LRRIQ1: variants seen among roughly 807,000 people sequenced by gnomAD.
LRRIQ1 encodes leucine rich repeats and IQ motif containing 1, also known as leucine-rich repeat- and IQ domain-containing protein 1.
In LRRIQ1, 210 loss-of-function variants were observed where a neutral mutation model predicts 211.9. That is an observed-to-expected ratio of 0.99 (90% CI 0.89 to 1.11). The LOEUF is 1.11. Among genes scored for constraint, LRRIQ1 ranks in the 50% most tolerant of loss-of-function variants. The pLI is 0.00. For synonymous variants in LRRIQ1, 699 were observed against 650.1 expected (o/e 1.08, Z -1.14); for missense variants, 2,136 against 1,939.5 (o/e 1.10, Z -1.90).
intron 24 of LRRIQ1, among the ~76,000 whole-genome samples, chr12:85,164,708 G>C (rs1253514528): frequency 6.6e-6 from 1 of 152,140 alleles, no homozygotes; most frequent in Non-Finnish European, 1.5e-5. Flanking sequence ...GTAGTATTGA[G>C]AGATTGATAG....
chr12:85,157,412 A>G (rs1890614835), intron 23 of LRRIQ1, among the ~76,000 whole-genome samples: 1 of 151,932 alleles, frequency 6.6e-6, no homozygotes, highest in Admixed American at 6.6e-5. Context: ...CCTAGTGAGT[A>G]ATTGCTTTTA....
In LRRIQ1 at chr12:85,056,363, C is replaced by G; in HGVS notation, c.1570C>G (p.Gln524Glu). 3.1e-6 allele frequency: 5 copies of G among 1,591,100 alleles called. No homozygotes were observed. The highest frequency in any genetic ancestry group is 2.3e-5 in the East Asian group (1 of 44,418). ...NSDLKGNLKE[Q>E]FPLQELKSDA... ...TGATCTAAAAGGAAATCTGAAAGAA[C>G]AGTTTCCATTGCAAGAATTAAAGTC... Residue 524 changes from glutamine to glutamate, a missense_variant, in exon 8 of 27, where the codon CAG becomes GAG. By Grantham distance (29) the Gln-to-Glu change is conservative. Transcript: ENST00000393217.
chr12:85,201,812 C>A (rs1355200377), intron 24 of LRRIQ1, among the ~76,000 whole-genome samples: 1 of 151,724 alleles, frequency 6.6e-6, no homozygotes, highest in Non-Finnish European at 1.5e-5. Flanking sequence ...TTGGTCATTT[C>A]TTGTCTTCTG....
intron 24 of LRRIQ1, among the ~76,000 whole-genome samples, chr12:85,226,344 G>C (rs1005984205): frequency 1.5e-4 from 23 of 152,040 alleles, no homozygotes; most frequent in African/African-American, 5.6e-4. Flanking sequence ...TTGATCATCA[G>C]GGTCACTGAG....
chr12:85,106,456 C>T (rs1886788642), intron 14 of LRRIQ1, 66 bp from the exon 15 acceptor site: 1 of 1,132,506 alleles, frequency 8.8e-7, no homozygotes, highest in African/African-American at 1.6e-5. Flanking sequence ...ATACAGTGGT[C>T]ATAGATTTAT....
rs370257620 is a variant in LRRIQ1 at position 85,056,370 on chromosome 12, C to T, written c.1577C>T (p.Pro526Leu). 6.3e-6 allele frequency: 10 copies of T among 1,590,804 alleles called. No homozygotes were observed. Among genetic ancestry groups the T allele is most frequent in the African/African-American group, 1.4e-5 (1 of 73,222 alleles). Residue 526 changes from proline (P) to leucine (L), a missense_variant, in exon 8 of 27, where the codon CCA becomes CTA. Transcript: ENST00000393217. ...AAAGGAAATCTGAAAGAACAGTTTC[C>T]ATTGCAAGAATTAAAGTCTGATGCA... Reference protein sequence around the residue: ...DLKGNLKEQFPLQELKSDAQK... With the variant: ...DLKGNLKEQFLLQELKSDAQK...
chr12:85,160,921 T>C (rs1216855793), intron 24 of LRRIQ1, among the ~76,000 whole-genome samples: 2 of 152,166 alleles, frequency 1.3e-5, no homozygotes, highest in Admixed American at 6.5e-5. Flanking sequence ...ATTGAAAATT[T>C]GTATCAATGT....
chr12:85,270,538 A>G, the LRRIQ1 span, among the ~76,000 whole-genome samples: 1 of 152,104 alleles, frequency 6.6e-6, no homozygotes, highest in Non-Finnish European at 1.5e-5. Flanking sequence ...TCATAATTAT[A>G]TACTTCATAT....
At chr12:85,066,128 T>C (rs1446723731) in intron 9 of LRRIQ1, among the ~76,000 whole-genome samples, 3 of 151,904 alleles carry the variant, frequency 2.0e-5, no homozygotes, top group South Asian at 2.1e-4. Flanking sequence ...AAGGTAACAG[T>C]CTATTAAAAT....
chr12:85,064,182 C>G (rs1343113076), intron 8 of LRRIQ1, among the ~76,000 whole-genome samples: 1 of 151,796 alleles, frequency 6.6e-6, no homozygotes, highest in African/African-American at 2.4e-5. Flanking sequence ...CACATCCTCT[C>G]CAGCATTTGC....
chr12:85,102,491 T>G (rs1431340933), intron 13 of LRRIQ1, among the ~76,000 whole-genome samples: 2 of 151,856 alleles, frequency 1.3e-5, no homozygotes, highest in African/African-American at 4.8e-5. Context: ...TATTTAGGAT[T>G]GGCAACATGC....
chr12:85,074,390 A>G (rs1355539773), intron 11 of LRRIQ1, among the ~76,000 whole-genome samples: 1 of 151,992 alleles, frequency 6.6e-6, no homozygotes, highest in Non-Finnish European at 1.5e-5. Context: ...TGAAATAATC[A>G]TATCATGGAA....
intron 21 of LRRIQ1, 51 bp downstream of exon 21, chr12:85,153,196 T>A: frequency 6.9e-7 from 1 of 1,449,020 alleles, no homozygotes; most frequent in South Asian, 1.3e-5. Context: ...ACAACAGTAT[T>A]ACATATCATA....
chr12:85,155,626 A>C (rs1344204498), intron 23 of LRRIQ1, among the ~76,000 whole-genome samples: 1 of 151,724 alleles, frequency 6.6e-6, no homozygotes, highest in Admixed American at 6.6e-5. Flanking sequence ...GAACTGATTC[A>C]GCCAATATTC....
chr12:85,263,668 C>T (rs540548523), exon 2 of LRRIQ1: 8 of 151,782 alleles, frequency 5.3e-5, no homozygotes, highest in East Asian at 3.9e-4. Flanking sequence ...TTATCTGTAA[C>T]GTCAGATGTT....
At chr12:85,229,880 G>A (rs1046028249) in intron 25 of LRRIQ1, among the ~76,000 whole-genome samples, 4 of 152,124 alleles carry the variant, frequency 2.6e-5, no homozygotes, top group Non-Finnish European at 5.9e-5. Flanking sequence ...ACCAACAGAT[G>A]AGCCACAAAA....
intron 10 of LRRIQ1, among the ~76,000 whole-genome samples, chr12:85,068,157 G>A (rs1190784093): frequency 6.6e-6 from 1 of 151,820 alleles, no homozygotes; most frequent in Non-Finnish European, 1.5e-5. Context: ...CAAAAAGTTG[G>A]GAACTGGATT....
chr12:85,231,761 G>A (rs981627312), intron 25 of LRRIQ1, among the ~76,000 whole-genome samples: 3 of 152,112 alleles, frequency 2.0e-5, no homozygotes, highest in Non-Finnish European at 2.9e-5. Context: ...GAACAAGAAC[G>A]AACTCACTGC....
In LRRIQ1 at chr12:85,229,997, G is replaced by A. The variant is rs150118064; in HGVS notation, c.4955+348G>A. Among the ~76,000 whole-genome samples, 1,119 of 152,192 alleles carry A rather than the reference G, an allele frequency of 7.4e-3. 20 individuals carry two copies. Among genetic ancestry groups the A allele is most frequent in the African/African-American group, 0.026 (1,062 of 41,520 alleles). ...TTTGCTTTATTTTTGTTATTTATAAGTTTGACAGTTAAAATTATAATTCAA... is the reference window on the plus strand; with the variant it reads ...TTTGCTTTATTTTTGTTATTTATAAATTTGACAGTTAAAATTATAATTCAA... On this transcript the variant is annotated intron_variant, in intron 25 of 26. Transcript: ENST00000393217.
Sources: gnomAD v4.1 joint callset for allele counts (sites outside exome capture counted in the v4.1 genomes callset) on GRCh38, gnomAD v4.1.1 for gene constraint, MANE v1.5 for transcripts, NCBI Gene and HGNC (gene_info 2026-07-23, HGNC 2026-07-21) for gene names.